RBFOX1: variants seen among roughly 807,000 people sequenced by gnomAD.
The protein encoded by RBFOX1 is RNA binding fox-1 homolog 1.
RBFOX1 carries 8 observed loss-of-function variants against 57.7 expected under a neutral mutation model. That is an observed-to-expected ratio of 0.14 (90% CI 0.08 to 0.25). The LOEUF (loss-of-function observed/expected upper bound fraction) is 0.25. Ranked by LOEUF, RBFOX1 falls within the 10% of genes least tolerant of loss-of-function variation. The pLI is 1.00. For synonymous variants in RBFOX1, 326 were observed against 222.4 expected (o/e 1.47, Z -4.15); for missense variants, 611 against 548.5 (o/e 1.11, Z -1.14).
At chr16:5,548,592 C>A (rs2045330304) in intron 2 of RBFOX1, among the ~76,000 whole-genome samples, 1 of 151,884 alleles carries the variant, frequency 6.6e-6, no homozygotes, top group Non-Finnish European at 1.5e-5. Context: ...ACGTTGCATG[C>A]CTGTATCAAA....
chr16:5,456,847 C>T (rs8047804), intron 1 of RBFOX1, among the ~76,000 whole-genome samples: 21,317 of 152,180 alleles, frequency 0.14, 1,566 homozygotes, highest in Middle Eastern at 0.26. Flanking sequence ...CCTGAGACCC[C>T]GCCTTGCCTC....
intron 15 of RBFOX1, 192 bp from the exon 16 acceptor site, chr16:7,710,431 T>TTTAGGAGGAGCTATTGGGGAAGGTCAGG: frequency 7.1e-7 from 1 of 1,406,668 alleles, no homozygotes; most frequent in Non-Finnish European, 9.2e-7. Context: ...AGGGAATTTC[T>TTTAGGAGGAGCTATTGGGGAAGGTCAGG]TTAGGAGGAG....
intron 4 of RBFOX1, among the ~76,000 whole-genome samples, chr16:7,124,128 A>C (rs2067839893): frequency 6.6e-6 from 1 of 152,222 alleles, no homozygotes; most frequent in South Asian, 2.1e-4. Context: ...AGAGTTTTCA[A>C]CGAACTTGTA....
chr16:6,514,440 G>C (rs1343100899), intron 2 of RBFOX1, among the ~76,000 whole-genome samples: 1 of 152,164 alleles, frequency 6.6e-6, no homozygotes, highest in Non-Finnish European at 1.5e-5. Flanking sequence ...GCCAGGTTTA[G>C]TCCCCTGCTG....
intron 3 of RBFOX1, among the ~76,000 whole-genome samples, chr16:5,795,392 C>A (rs2054843691): frequency 2.6e-5 from 4 of 151,894 alleles, no homozygotes; most frequent in Admixed American, 2.0e-4. Context: ...CTGTGTCAAT[C>A]TTCTGGGCTC....
At chr16:7,197,621 A>T (rs1051352600) in intron 4 of RBFOX1, among the ~76,000 whole-genome samples, 4 of 152,214 alleles carry the variant, frequency 2.6e-5, no homozygotes, top group African/African-American at 9.6e-5. Flanking sequence ...AAAAATGTGT[A>T]CAGAAATGTT....
At position 7,147,678 on chromosome 16, in the gene RBFOX1, C is replaced by T. The variant is rs180671089; in HGVS notation, c.27+95580C>T. Among the ~76,000 whole-genome samples the T allele has an allele frequency of 4.6e-4, 70 of 152,230 alleles. 2 individuals are homozygous for T. The highest frequency in any genetic ancestry group is 1.6e-3 in the African/African-American group (65 of 41,538). On this transcript the variant is annotated intron_variant, in intron 4 of 15. Coordinates refer to ENST00000550418, the MANE Select transcript of RBFOX1 (RefSeq NM_018723.4). ...TCTTTTTTATGGCTGTATAGTATTC[C>T]ATGTTGTGTATGGACCACATTTTCT...
chr16:7,549,187 C>T (rs1273219608), intron 5 of RBFOX1, among the ~76,000 whole-genome samples: 20 of 152,212 alleles, frequency 1.3e-4, no homozygotes, highest in Admixed American at 1.3e-3. Context: ...GGGAAACACC[C>T]TCGAAATATT....
intron 2 of RBFOX1, among the ~76,000 whole-genome samples, chr16:6,614,635 T>A (rs924882455): frequency 6.6e-6 from 1 of 152,186 alleles, no homozygotes; most frequent in African/African-American, 2.4e-5. Context: ...TTCTGCAGGA[T>A]CTGAGGAAGT....
intron 4 of RBFOX1, among the ~76,000 whole-genome samples, chr16:7,236,500 T>G (rs1187294729): frequency 6.6e-6 from 1 of 152,142 alleles, no homozygotes; most frequent in Non-Finnish European, 1.5e-5. Context: ...AATGCATCCA[T>G]CCCATTGCCA....
At chr16:7,233,080 A>C (rs1388437192) in intron 4 of RBFOX1, among the ~76,000 whole-genome samples, 1 of 152,090 alleles carries the variant, frequency 6.6e-6, no homozygotes, top group Non-Finnish European at 1.5e-5. Flanking sequence ...ACAGCGGCCA[A>C]AGAACCCATC....
intron 4 of RBFOX1, among the ~76,000 whole-genome samples, chr16:5,972,576 A>G (rs938813640): frequency 6.6e-6 from 1 of 152,228 alleles, no homozygotes; most frequent in Non-Finnish European, 1.5e-5. Flanking sequence ...ATGGGAAAAC[A>G]GGGATGAGAT....
At chr16:5,307,508 AT>A (rs568054373) in intron 1 of RBFOX1, among the ~76,000 whole-genome samples, 1 of 152,004 alleles carries the variant, frequency 6.6e-6, no homozygotes, top group East Asian at 1.9e-4. Flanking sequence ...TTATGCCACT[AT>A]TTTCTGAGGG....
chr16:5,257,101 T>C (rs1472618960), intron 1 of RBFOX1, among the ~76,000 whole-genome samples: 5 of 151,922 alleles, frequency 3.3e-5, no homozygotes, highest in African/African-American at 1.2e-4. Flanking sequence ...GGGTCTTAAA[T>C]GGGGGAGCCA....
At chr16:6,931,738 A>T (rs900829595) in intron 3 of RBFOX1, among the ~76,000 whole-genome samples, 1 of 152,152 alleles carries the variant, frequency 6.6e-6, no homozygotes, top group African/African-American at 2.4e-5. Flanking sequence ...GCTTGTGCAG[A>T]TCTCTTTGTT....
chr16:6,742,176 G>A (rs1328515229), intron 3 of RBFOX1, among the ~76,000 whole-genome samples: 2 of 152,114 alleles, frequency 1.3e-5, no homozygotes, highest in Non-Finnish European at 2.9e-5. Context: ...TTTTTAAAGT[G>A]ACTTGAAGAA....
chr16:6,379,681 CAAA>C (rs5815304), intron 2 of RBFOX1, among the ~76,000 whole-genome samples: 2 of 96,460 alleles, frequency 2.1e-5, no homozygotes. Flanking sequence ...ATTTAGCTAC[CAAA>C]AAAAAAAAAA....
chr16:5,318,484 C>G (rs539043894), intron 1 of RBFOX1, among the ~76,000 whole-genome samples: 1 of 152,254 alleles, frequency 6.6e-6, no homozygotes, highest in Admixed American at 6.5e-5. Context: ...TCATGTTTGC[C>G]CACTAAGAGT....
intron 3 of RBFOX1, among the ~76,000 whole-genome samples, chr16:7,010,810 C>T (rs146831059): frequency 2.0e-5 from 3 of 152,178 alleles, no homozygotes; most frequent in East Asian, 1.9e-4. Context: ...AGTGATCTAC[C>T]CATCTCTGCC....
Sources: allele counts gnomAD v4.1 joint callset (sites outside exome capture counted in the v4.1 genomes callset), GRCh38; gene constraint gnomAD v4.1.1; transcripts MANE v1.5; gene names NCBI Gene and HGNC (gene_info 2026-07-23, HGNC 2026-07-21).